Variants in POU1F1 observed in about 807,000 individuals in gnomAD.
POU1F1 encodes the protein pituitary-specific positive transcription factor 1.
Under a neutral mutation model 32.3 loss-of-function variants are expected in POU1F1, and 23 were observed. That is an observed-to-expected ratio of 0.71 (90% confidence interval 0.51 to 1.01). POU1F1 has a LOEUF of 1.01. Among genes scored for constraint, POU1F1 ranks in the 50% least tolerant of loss-of-function variants. The pLI is 0.00. For missense variants in POU1F1, 323 were observed against 341.6 expected, an observed-to-expected ratio of 0.95 and a Z score of 0.43; for synonymous variants, 120 against 115.6, an observed-to-expected ratio of 1.04 and a Z score of -0.25.
At chr3:87,272,694 A>AAT (rs1195868147) in intron 2 of POU1F1, among the ~76,000 whole-genome samples, 3 of 152,198 alleles carry the variant, frequency 2.0e-5, no homozygotes, top group Non-Finnish European at 4.4e-5. Flanking sequence ...ATGTAACTTC[A>AAT]ATGATTTCAA....
At chr3:87,262,298 T>C (rs1010864375) in intron 3 of POU1F1, 63 bp from the exon 4 acceptor site, 3 of 1,576,910 alleles carry the variant, frequency 1.9e-6, no homozygotes, top group Admixed American at 1.7e-5. Context: ...TTTGGTTCAT[T>C]GTCACACAAA....
At chr3:87,261,443 C>T (rs769407182) in intron 4 of POU1F1, 110 bp from the exon 5 acceptor site, 49 of 849,352 alleles carry the variant, frequency 5.8e-5, no homozygotes, top group Non-Finnish European at 8.5e-5. Context: ...AATAAAAATG[C>T]TAGACATTTT....
chr3:87,272,888 T>C (rs1357653822), intron 2 of POU1F1, among the ~76,000 whole-genome samples: 1 of 152,124 alleles, frequency 6.6e-6, no homozygotes, highest in Non-Finnish European at 1.5e-5. Flanking sequence ...CTGTCTGATA[T>C]GGGAGTCGCT....
At chr3:87,269,215 C>A (rs1034793121) in intron 2 of POU1F1, among the ~76,000 whole-genome samples, 1 of 152,174 alleles carries the variant, frequency 6.6e-6, no homozygotes, top group Non-Finnish European at 1.5e-5. Context: ...CCGTGTACAA[C>A]TGGGGCCTAT....
chr3:87,261,509 G>A (rs188183412), intron 4 of POU1F1, among the ~76,000 whole-genome samples, 176 bp from the exon 5 acceptor site: 1 of 152,104 alleles, frequency 6.6e-6, no homozygotes, highest in Non-Finnish European at 1.5e-5. Flanking sequence ...AAATCTCAAC[G>A]CAGAAATAAA....
intron 2 of POU1F1, among the ~76,000 whole-genome samples, chr3:87,269,570 A>T (rs749926467): frequency 7.2e-5 from 11 of 152,312 alleles, no homozygotes; most frequent in South Asian, 2.1e-4. Flanking sequence ...CAAATTTCAA[A>T]AAATGAAAAG....
At chr3:87,264,665 G>A (rs551787727) in intron 2 of POU1F1, among the ~76,000 whole-genome samples, 153 bp from the exon 3 acceptor site, 1 of 152,258 alleles carries the variant, frequency 6.6e-6, no homozygotes, top group Non-Finnish European at 1.5e-5. Context: ...TCCGAAGAAG[G>A]AGTCAAAGTA....
rs1488542065 is a variant in POU1F1 at position 87,264,316 on chromosome 3, A to G, written c.411T>C (p.Asn137=). The part of the protein sequence containing the change: ...PEIRELEKFA[N]EFKVRRIKLG... ...ATTTAATTCGTCTCACTTTAAATTC[A>G]TTGGCAAACTTTTCAAGTTCTCTGA... Residue 137 remains asparagine, a synonymous_variant, in exon 3 of 6, where the codon AAT becomes AAC. Transcript: ENST00000350375. 2.5e-6 allele frequency: 4 copies of G among 1,613,524 alleles called. No homozygotes were observed. The highest frequency in any genetic ancestry group is 2.7e-5 in the African/African-American group (2 of 74,904).
At chr3:87,268,585 T>C (rs2106935464) in intron 2 of POU1F1, among the ~76,000 whole-genome samples, 1 of 152,282 alleles carries the variant, frequency 6.6e-6, no homozygotes, top group East Asian at 1.9e-4. Context: ...GGATGATATG[T>C]ATAGCAATAT....
chr3:87,264,250 C>T, intron 3 of POU1F1, 38 bp downstream of exon 3: 1 of 1,516,926 alleles, frequency 6.6e-7, no homozygotes, highest in Non-Finnish European at 9.2e-7. Context: ...GATTTGCAAA[C>T]CAAGTTCTTT....
In POU1F1 at chr3:87,259,908, G is replaced by T; in HGVS notation, c.862C>A (p.Leu288Ile). ...ATAGAAAAATCTTATCTGCACTCAAGATGTTCCTTAGAAATAGAAAATAAA... is the reference window on the plus strand; with the variant it reads ...ATAGAAAAATCTTATCTGCACTCAATATGTTCCTTAGAAATAGAAAATAAA... The part of the protein sequence containing the change: ...QSLFSISKEH[L>I]ECR Residue 288 changes from leucine (L) to isoleucine (I), a missense_variant, in exon 6 of 6, where the codon CTT becomes ATT. Coordinates refer to ENST00000350375, the MANE Select transcript of POU1F1 (RefSeq NM_000306.4). 1 of 1,613,668 alleles carries T rather than the reference G, an allele frequency of 6.2e-7. No individual in the cohort carries two copies. Among genetic ancestry groups the T allele is most frequent in the Non-Finnish European group, 8.5e-7 (1 of 1,179,590 alleles).
rs536984508 is a variant in POU1F1 at position 87,261,254 on chromosome 3, C to A, written c.665+19G>T. On this transcript the variant is annotated intron_variant, in intron 5 of 5. Coordinates refer to ENST00000350375, the MANE Select transcript of POU1F1 (RefSeq NM_000306.4). Reference sequence around the variant, plus strand: ...AAATACCAGTTTTGTCCTCTAGTAACTTTTAATATAAAGAATACCTTATAG... The same window carrying A: ...AAATACCAGTTTTGTCCTCTAGTAAATTTTAATATAAAGAATACCTTATAG... The A allele has an allele frequency of 6.6e-7, 1 of 1,522,634 alleles. No individual in the cohort carries two copies. The highest frequency in any genetic ancestry group is 1.4e-5 in the African/African-American group (1 of 72,702). 94.3% of individuals were successfully genotyped at this position (1,522,634 alleles called of 1,614,324 possible). A position where few individuals can be genotyped will look rare whatever the true frequency, so the allele number is the denominator to read the frequency against.
In POU1F1 at chr3:87,262,083, C is replaced by T. The variant is rs759920991; in HGVS notation, c.592G>A (p.Glu198Lys). ...AILSKWLEEA[E>K]QVGALYNEKV... is the part of the protein sequence containing the mutation. ...CACAATTTAGTACCTCCTACTTGCT[C>T]AGCTTCCTCCAGCCATTTGGATAAT... Residue 198 changes from glutamate to lysine, a missense_variant, in exon 4 of 6, where the codon GAG (glutamate) becomes AAG (lysine). Glu to Lys is a moderately conservative substitution (Grantham distance 56, BLOSUM62 1). Transcript: ENST00000350375. The T allele has an allele frequency of 3.7e-6, 6 of 1,613,938 alleles. No individual in the cohort carries two copies. Among genetic ancestry groups the T allele is most frequent in the African/African-American group, 1.3e-5 (1 of 74,916 alleles).
chr3:87,270,342 GT>G (rs1260473113), intron 2 of POU1F1, among the ~76,000 whole-genome samples: 2 of 152,208 alleles, frequency 1.3e-5, no homozygotes, highest in South Asian at 2.1e-4. Flanking sequence ...TTAGTAATTA[GT>G]TAATGGCATG....
intron 1 of POU1F1, among the ~76,000 whole-genome samples, chr3:87,274,612 T>C (rs1706793373): frequency 6.6e-6 from 1 of 151,546 alleles, no homozygotes; most frequent in Admixed American, 6.6e-5. Flanking sequence ...CATTTTGCAA[T>C]ATAATGATTA....
chr3:87,266,779 G>T (rs1225616732), intron 2 of POU1F1, among the ~76,000 whole-genome samples: 1 of 151,820 alleles, frequency 6.6e-6, no homozygotes. Context: ...ATTAAAAGAA[G>T]GACTAATAGA....
chr3:87,272,229 A>G (rs949160392), intron 2 of POU1F1, among the ~76,000 whole-genome samples: 1 of 151,378 alleles, frequency 6.6e-6, no homozygotes, highest in African/African-American at 2.4e-5. Flanking sequence ...ACATTTACTC[A>G]CACAGTTTGT....
chr3:87,268,286 A>G (rs1291040435), intron 2 of POU1F1, among the ~76,000 whole-genome samples: 1 of 151,502 alleles, frequency 6.6e-6, no homozygotes, highest in Admixed American at 6.6e-5. Context: ...ATAATTTTTT[A>G]TTTAGAGACA....
In POU1F1 at chr3:87,273,351, C is replaced by G; in HGVS notation, c.210G>C (p.Met70Ile). Residue 70 changes from methionine (M) to isoleucine (I), a missense_variant, in exon 2 of 6, where the codon ATG (methionine) becomes ATC (isoleucine). Transcript: ENST00000350375. ...YGNQPSTYGV[M>I]AGSLTPCLYK... ...GTAAAAGACAACTTTTCTTACCTGC[C>G]ATCACTCCATAGGTTGATGGCTGGT... The G allele has an allele frequency of 6.2e-7, 1 of 1,612,124 alleles. No individual in the cohort carries two copies. The highest frequency in any genetic ancestry group is 8.5e-7 in the Non-Finnish European group (1 of 1,178,810).
Sources: gnomAD v4.1 joint callset for allele counts (sites outside exome capture counted in the v4.1 genomes callset) on GRCh38, gnomAD v4.1.1 for gene constraint, MANE v1.5 for transcripts, NCBI Gene and HGNC (gene_info 2026-07-23, HGNC 2026-07-21) for gene names.